CYP4F3: variants seen among roughly 807,000 people sequenced by gnomAD.
CYP4F3 encodes cytochrome P450 4F3.
A neutral mutation model predicts 54.8 loss-of-function variants in CYP4F3; 50 were observed. The ratio of observed to expected loss-of-function variants is 0.91; its 90% CI spans 0.73 to 1.16. The LOEUF (loss-of-function observed/expected upper bound fraction) is 1.16. CYP4F3 is among the 50% of genes most tolerant of loss of function. The pLI is 0.00. For missense variants in CYP4F3, 715 were observed against 676.2 expected (o/e 1.06, Z -0.64); for synonymous variants, 244 against 262.6 (o/e 0.93, Z 0.69).
Position 15,652,811 on chromosome 19 carries a change from GC to G in CYP4F3, c.986-11del. On this transcript the variant is annotated splice_polypyrimidine_tract_variant and intron_variant, in intron 8 of 12. Coordinates refer to ENST00000221307, the MANE Select transcript of CYP4F3 (RefSeq NM_000896.3). ...CAGCCCAGAGACCCAAGCCTGCCTT[GC>G]TGCCCCCCAGGCCATGACACCACAG... The G allele has an allele frequency of 6.2e-7, 1 of 1,607,996 alleles. No individual in the cohort carries two copies. The highest frequency in any genetic ancestry group is 8.5e-7 in the Non-Finnish European group (1 of 1,176,914).
At chr19:15,653,458 C>T (rs1156679598) in intron 9 of CYP4F3, among the ~76,000 whole-genome samples, 1 of 152,152 alleles carries the variant, frequency 6.6e-6, no homozygotes, top group Non-Finnish European at 1.5e-5. Context: ...CATCTGTGCA[C>T]AGCATCTTTC....
In CYP4F3 at chr19:15,662,267, TC is replaced by T. The variant is rs1973196213; in HGVS notation, c.*2883del. 2.8e-5 allele frequency: 1 copy of T among 35,610 alleles called. No homozygotes were observed. Among genetic ancestry groups the T allele is most frequent in the African/African-American group, 3.2e-4 (1 of 3,132 alleles). 2.2% of individuals were successfully genotyped at this position (35,610 alleles called of 1,614,324 possible). On this transcript the variant is annotated 3_prime_UTR_variant, in exon 13 of 13. Coordinates refer to ENST00000221307, the MANE Select transcript of CYP4F3 (RefSeq NM_000896.3). Reference sequence around the variant, plus strand: ...GCCTGGGTGAAAGAGCTAGATTCTCTCTCTCAAAAAAAAAAAAAAAAAAAAG... The same window carrying T: ...GCCTGGGTGAAAGAGCTAGATTCTCTTCTCAAAAAAAAAAAAAAAAAAAAG...
intron 9 of CYP4F3, among the ~76,000 whole-genome samples, chr19:15,656,366 A>G (rs1973010631): frequency 6.6e-6 from 1 of 152,192 alleles, no homozygotes; most frequent in Non-Finnish European, 1.5e-5. Context: ...TTCTTGTACC[A>G]AATGAGACAT....
chr19:15,641,364 G>A (rs577099513), intron 1 of CYP4F3, 51 bp from the exon 2 acceptor site: 1 of 1,606,450 alleles, frequency 6.2e-7, no homozygotes, highest in Admixed American at 1.7e-5. Flanking sequence ...GAGCTCCCTG[G>A]GCCCTTCCCT....
intron 7 of CYP4F3, among the ~76,000 whole-genome samples, chr19:15,652,121 T>C (rs1473378848): frequency 1.3e-5 from 2 of 152,176 alleles, no homozygotes; most frequent in African/African-American, 4.8e-5. Context: ...ATGTGCTTTG[T>C]TCTGGATGCC....
chr19:15,646,995 C>T (rs1972645930), intron 3 of CYP4F3, 57 bp from the exon 4 acceptor site: 2 of 1,607,026 alleles, frequency 1.2e-6, no homozygotes, highest in African/African-American at 1.3e-5. Flanking sequence ...TCCCCCCACC[C>T]CCAAAGTTCC....
At chr19:15,648,269 A>G (rs1972689827) in intron 5 of CYP4F3, among the ~76,000 whole-genome samples, 1 of 152,062 alleles carries the variant, frequency 6.6e-6, no homozygotes, top group Non-Finnish European at 1.5e-5. Flanking sequence ...GTTGCTTGTT[A>G]GATTGCACTT....
At chr19:15,653,519 G>A (rs550384618) in intron 9 of CYP4F3, among the ~76,000 whole-genome samples, 2 of 152,248 alleles carry the variant, frequency 1.3e-5, no homozygotes, top group East Asian at 1.9e-4. Flanking sequence ...TTTTCCAGGT[G>A]CTCCCAGCCT....
At position 15,658,364 on chromosome 19, in the gene CYP4F3, A is replaced by G. The variant is rs148618269; in HGVS notation, c.1216A>G (p.Ile406Val). 68 of 1,613,834 alleles carry G rather than the reference A, an allele frequency of 4.2e-5. No homozygotes were observed. Among genetic ancestry groups the G allele is most frequent in the Non-Finnish European group, 5.6e-5 (66 of 1,179,944 alleles). Residue 406 changes from isoleucine (I) to valine (V), a missense_variant, in exon 10 of 13, where the codon ATT (isoleucine) becomes GTT (valine). Coordinates refer to ENST00000221307, the MANE Select transcript of CYP4F3 (RefSeq NM_000896.3). ...PAVSRCCTQD[I>V]VLPDGRVIPK... ...CGTCTCTCGCTGCTGCACCCAAGAC[A>G]TTGTGCTCCCAGACGGCCGGGTCAT...
intron 9 of CYP4F3, among the ~76,000 whole-genome samples, chr19:15,657,647 CA>C (rs1309499027): frequency 1.7e-5 from 2 of 120,868 alleles, no homozygotes; most frequent in African/African-American, 3.7e-5. Flanking sequence ...ATAACTTTAC[CA>C]ATAGTACTAT....
chr19:15,641,632 C>A lies in CYP4F3; in HGVS notation c.198+19C>A, dbSNP rs201583664. On this transcript the variant is annotated intron_variant, in intron 2 of 12. Coordinates refer to ENST00000221307, the MANE Select transcript of CYP4F3 (RefSeq NM_000896.3). ...GGGCCTGGTGAGTGTGGCAGCAGGA[C>A]GGGTCTGGGGTCTCAGGGTGGATGG... 1.5e-6 allele frequency: 2 copies of A among 1,360,116 alleles called. No homozygotes were observed. The highest frequency in any genetic ancestry group is 1.6e-5 in the African/African-American group (1 of 64,200). The allele number at this position is 1,360,116 out of a possible 1,614,324, so 84.3% of individuals were successfully genotyped here. A position where few individuals can be genotyped will look rare whatever the true frequency, so the allele number is the denominator to read the frequency against.
chr19:15,644,055 C>G, intron 2 of CYP4F3: 3 of 1,575,590 alleles, frequency 1.9e-6, no homozygotes, highest in Non-Finnish European at 2.6e-6. Context: ...GCCTCAGGTA[C>G]CACCTGGAAT....
At chr19:15,643,913 C>T in intron 2 of CYP4F3, 2 of 1,577,514 alleles carry the variant, frequency 1.3e-6, no homozygotes, top group Admixed American at 1.9e-5. Context: ...GCAGGTCACC[C>T]CCACGGAGCA....
chr19:15,649,346 G>A, intron 6 of CYP4F3, 65 bp downstream of exon 6: 1 of 1,608,774 alleles, frequency 6.2e-7, no homozygotes, highest in Non-Finnish European at 8.5e-7. Flanking sequence ...TGGGGGGCTG[G>A]GGAGGACTGA....
At chr19:15,650,658 CTTTTTCTTTCTTTCTTTCTTTCTTTCTT>C (rs1421424415) in intron 7 of CYP4F3, among the ~76,000 whole-genome samples, 14 of 71,852 alleles carry the variant, frequency 1.9e-4, no homozygotes, top group African/African-American at 9.0e-4. Flanking sequence ...TCCCTGCCTT[CTTTTTCTTTCTTTCTTTCTTTCTTTCTT>C]TCTTTCTTTC....
At chr19:15,657,455 T>G (rs1024001683) in intron 9 of CYP4F3, among the ~76,000 whole-genome samples, 1 of 152,072 alleles carries the variant, frequency 6.6e-6, no homozygotes, top group African/African-American at 2.4e-5. Context: ...CCACCATGCC[T>G]GGGTAATTTT....
chr19:15,657,687 A>G (rs1973063499), intron 9 of CYP4F3, among the ~76,000 whole-genome samples: 3 of 151,876 alleles, frequency 2.0e-5, no homozygotes, highest in Non-Finnish European at 4.4e-5. Context: ...ATCTTGGCCA[A>G]TTTTCATATT....
At chr19:15,649,588 A>G (rs1193632121) in intron 6 of CYP4F3, among the ~76,000 whole-genome samples, 2 of 152,106 alleles carry the variant, frequency 1.3e-5, no homozygotes, top group African/African-American at 4.8e-5. Flanking sequence ...GGAAGAGGAT[A>G]AAGTCTGAGC....
intron 9 of CYP4F3, among the ~76,000 whole-genome samples, chr19:15,656,559 A>ATCT (rs1973025085): frequency 7.4e-6 from 1 of 135,202 alleles, no homozygotes; most frequent in Non-Finnish European, 1.7e-5. Flanking sequence ...TCATTGATCT[A>ATCT]TCTATCATCT....
Sources: allele counts gnomAD v4.1 joint callset (sites outside exome capture counted in the v4.1 genomes callset), GRCh38; gene constraint gnomAD v4.1.1; transcripts MANE v1.5; gene names NCBI Gene and HGNC (gene_info 2026-07-23, HGNC 2026-07-21).